Variants in IL3RA observed in about 807,000 individuals in gnomAD.
IL3RA encodes the protein interleukin-3 receptor subunit alpha.
In IL3RA, 73 loss-of-function variants were observed where a neutral mutation model predicts 52.3. That is an observed-to-expected ratio of 1.40 (90% CI 1.16 to 1.70). The LOEUF (loss-of-function observed/expected upper bound fraction) is 1.70. IL3RA is among the 40% of genes most tolerant of loss of function. The pLI is 0.00. For synonymous variants in IL3RA, 260 were observed against 194.0 expected, an observed-to-expected ratio of 1.34 and a Z score of -2.83; for missense variants, 664 against 504.4, an observed-to-expected ratio of 1.32 and a Z score of -3.03.
At chrX:1,349,589 A>G (rs1318889112) in intron 4 of IL3RA, among the ~76,000 whole-genome samples, 1 of 150,070 alleles carries the variant, frequency 6.7e-6, no homozygotes, top group African/African-American at 2.5e-5. Flanking sequence ...AGGGATTGTA[A>G]GCATCAGCCA....
chrX:1,376,643 GAGA>G (rs1286046399), intron 9 of IL3RA, among the ~76,000 whole-genome samples: 1 of 149,684 alleles, frequency 6.7e-6, no homozygotes, highest in Non-Finnish European at 1.5e-5. Context: ...AGGACACAGG[GAGA>G]AGACGGCGTC....
At chrX:1,346,537 G>A (rs1280436889) in intron 3 of IL3RA, among the ~76,000 whole-genome samples, 2 of 151,906 alleles carry the variant, frequency 1.3e-5, no homozygotes, top group South Asian at 4.2e-4. Flanking sequence ...AACCTGGGAG[G>A]CCGAGGTTGC....
At position 1,365,265 on chromosome X, in the gene IL3RA, T is replaced by G; in HGVS notation, c.874+13T>G. 1 of 1,487,478 alleles carries G rather than the reference T, an allele frequency of 6.7e-7. No homozygotes were observed. Among genetic ancestry groups the G allele is most frequent in the Non-Finnish European group, 9.1e-7 (1 of 1,098,892 alleles). The allele number at this position is 1,487,478 out of a possible 1,614,324, so 92.1% of individuals were successfully genotyped here. Reference sequence around the variant, plus strand: ...CCCCAGCGCTTCGGTGAGTGGGCTGTGCGGGGTGCGCGGGGTGAGCGGGGT... The same window carrying G: ...CCCCAGCGCTTCGGTGAGTGGGCTGGGCGGGGTGCGCGGGGTGAGCGGGGT... On this transcript the variant is annotated intron_variant, in intron 9 of 11. Coordinates refer to ENST00000331035, the MANE Select transcript of IL3RA (RefSeq NM_002183.4).
rs1172332927 is a variant in IL3RA at position 1,352,192 on chromosome X, C to A, written c.391C>A (p.Pro131Thr). ...CAGCTGGGCGGTAGGCCCGGGGGCC[C>A]CCGCGGACGTCCAGTACGACCTGTA... ...SCSWAVGPGA[P>T]ADVQYDLYLN... Residue 131 changes from proline (P) to threonine (T), a missense_variant, in exon 5 of 12, where the codon CCC (proline) becomes ACC (threonine). By Grantham distance (38) the Pro-to-Thr change is conservative. Transcript: ENST00000331035. 4 of 1,613,622 alleles carry A rather than the reference C, an allele frequency of 2.5e-6. No homozygotes were observed. In the South Asian group the frequency reaches 4.4e-5, roughly 18 times the overall value.
intron 8 of IL3RA, among the ~76,000 whole-genome samples, chrX:1,364,921 G>GC (rs1442186329): frequency 1.3e-5 from 2 of 151,774 alleles, no homozygotes; most frequent in Non-Finnish European, 2.9e-5. Flanking sequence ...CTATTCTCCT[G>GC]CCTCAGCCTC....
intron 3 of IL3RA, 86 bp downstream of exon 3, chrX:1,345,520 T>A: frequency 1.1e-6 from 1 of 942,938 alleles, no homozygotes; most frequent in East Asian, 3.1e-5. Flanking sequence ...GACGGAGTCT[T>A]GCTCTGTCGC....
At chrX:1,381,141 G>T in intron 11 of IL3RA, 37 bp downstream of exon 11, 3 of 1,601,408 alleles carry the variant, frequency 1.9e-6, no homozygotes, top group Non-Finnish European at 2.6e-6. Context: ...GGGTCTGGAG[G>T]CGTGGTGGCC....
chrX:1,351,874 C>A (rs1231504063), intron 4 of IL3RA, among the ~76,000 whole-genome samples: 3 of 152,092 alleles, frequency 2.0e-5, no homozygotes, highest in Non-Finnish European at 4.4e-5. Context: ...GGGTGATCCA[C>A]CTGCCTCGGC....
At chrX:1,349,646 G>A in intron 4 of IL3RA, among the ~76,000 whole-genome samples, 1 of 151,010 alleles carries the variant, frequency 6.6e-6, no homozygotes, top group African/African-American at 2.5e-5. Flanking sequence ...GAAGTCCATG[G>A]TTTATTTTTT....
In IL3RA at chrX:1,364,799, TTTA is replaced by T. The variant is rs1157470845; in HGVS notation, c.760-336_760-334del. Among the ~76,000 whole-genome samples, 184 of 147,970 alleles carry T rather than the reference TTTA, an allele frequency of 1.2e-3. 4 individuals carry two copies. In the South Asian group the frequency reaches 0.02, roughly 16 times the overall value. On this transcript the variant is annotated intron_variant, in intron 8 of 11. Coordinates refer to ENST00000331035, the MANE Select transcript of IL3RA (RefSeq NM_002183.4). ...AGCCCCTCTTTTCTTCTTTTATTTA[TTTA>T]TTTATTTATTTATTTATTTATTTAG... is the stretch of plus-strand genomic sequence containing the variant.
chrX:1,348,267 G>C (rs1440164430), intron 3 of IL3RA, among the ~76,000 whole-genome samples, 164 bp from the exon 4 acceptor site: 9 of 151,180 alleles, frequency 6.0e-5, no homozygotes, highest in South Asian at 2.1e-4. Context: ...GCAGGAGAAT[G>C]GCTTGAACCC....
intron 1 of IL3RA, among the ~76,000 whole-genome samples, chrX:1,338,340 G>C (rs1291715935): frequency 3.3e-5 from 5 of 151,574 alleles, no homozygotes; most frequent in African/African-American, 1.2e-4. Context: ...ATAGCCAAGA[G>C]GTGGAGACAG....
At chrX:1,381,142 C>G (rs1569528659) in intron 11 of IL3RA, 38 bp downstream of exon 11, 2 of 1,597,074 alleles carry the variant, frequency 1.3e-6, no homozygotes, top group Admixed American at 1.7e-5. Context: ...GGTCTGGAGG[C>G]GTGGTGGCCA....
At chrX:1,338,881 C>T (rs1460701482) in intron 1 of IL3RA, among the ~76,000 whole-genome samples, 1 of 152,058 alleles carries the variant, frequency 6.6e-6, no homozygotes, top group Non-Finnish European at 1.5e-5. Context: ...CTCACTGCAA[C>T]CTCCACCTCC....
In IL3RA at chrX:1,382,539, C is replaced by T. The variant is rs2089230916; in HGVS notation, c.*74C>T. 7 of 1,380,528 alleles carry T rather than the reference C, an allele frequency of 5.1e-6. No individual in the cohort carries two copies. Among genetic ancestry groups the T allele is most frequent in the African/African-American group, 4.3e-5 (3 of 70,382 alleles). The allele number at this position is 1,380,528 out of a possible 1,614,324, so 85.5% of individuals were successfully genotyped here. A position where few individuals can be genotyped will look rare whatever the true frequency, so the allele number is the denominator to read the frequency against. ...GCCAGGCGCCTGCACAGACTGGCTG[C>T]TGGACCTGCGCACGCAGCCCAGGAA... On this transcript the variant is annotated 3_prime_UTR_variant, in exon 12 of 12. Transcript: ENST00000331035.
chrX:1,348,938 C>T (rs1309023568), intron 4 of IL3RA, among the ~76,000 whole-genome samples: 2 of 147,728 alleles, frequency 1.4e-5, no homozygotes, highest in Admixed American at 6.9e-5. Context: ...CTCCTCTTTT[C>T]CTTCCTTCTT....
chrX:1,353,942 G>GAC (rs2086376998), intron 6 of IL3RA, among the ~76,000 whole-genome samples: 1 of 56,062 alleles, frequency 1.8e-5, no homozygotes. Flanking sequence ...TGGGTCATGG[G>GAC]ACCCCCCCCC....
At chrX:1,338,211 A>C (rs765433814) in intron 1 of IL3RA, among the ~76,000 whole-genome samples, 1 of 150,988 alleles carries the variant, frequency 6.6e-6, no homozygotes. Flanking sequence ...TTTATTCACA[A>C]TAGCCAAGAG....
chrX:1,343,916 T>C (rs1313691789), intron 2 of IL3RA, among the ~76,000 whole-genome samples: 3 of 150,930 alleles, frequency 2.0e-5, no homozygotes, highest in Admixed American at 6.6e-5. Context: ...CTGCCTCAGC[T>C]TCCTGATTAG....
Sources: gnomAD v4.1 joint callset for allele counts (sites outside exome capture counted in the v4.1 genomes callset) on GRCh38, gnomAD v4.1.1 for gene constraint, MANE v1.5 for transcripts, NCBI Gene and HGNC (gene_info 2026-07-23, HGNC 2026-07-21) for gene names.